Variants in OSBPL9 observed in about 807,000 individuals in gnomAD.
The protein encoded by OSBPL9 is oxysterol binding protein like 9.
OSBPL9 carries 40 observed loss-of-function variants against 106.6 expected under a neutral mutation model. That is an observed-to-expected ratio of 0.38 (90% CI 0.29 to 0.49). The LOEUF is 0.49. OSBPL9 is among the 20% of genes least tolerant of loss of function. The pLI is 0.97. For synonymous variants in OSBPL9, 269 were observed against 295.4 expected (o/e 0.91, Z 0.92); for missense variants, 609 against 887.2 (o/e 0.69, Z 3.98).
intron 21 of OSBPL9, 95 bp downstream of exon 21, chr1:51,785,981 C>A: frequency 9.6e-7 from 1 of 1,042,518 alleles, no homozygotes; most frequent in Non-Finnish European, 1.5e-6. Flanking sequence ...CTTCATAATG[C>A]ATTTCCTTCT....
At chr1:51,590,291 C>G (rs928503121) in intron 1 of OSBPL9, among the ~76,000 whole-genome samples, 1 of 151,710 alleles carries the variant, frequency 6.6e-6, no homozygotes, top group African/African-American at 2.4e-5. Context: ...ATGATAGTGG[C>G]TTGGGCTAGG....
intron 1 of OSBPL9, among the ~76,000 whole-genome samples, chr1:51,627,369 G>T (rs759222582): frequency 6.6e-5 from 10 of 151,998 alleles, no homozygotes; most frequent in African/African-American, 9.7e-5. Flanking sequence ...ATATCCAGTT[G>T]TCCGAGCATC....
chr1:51,663,619 G>A (rs925320046), intron 2 of OSBPL9, among the ~76,000 whole-genome samples: 11 of 152,144 alleles, frequency 7.2e-5, no homozygotes, highest in Admixed American at 5.2e-4. Context: ...GACATAGAAA[G>A]CAGAACTATA....
intron 4 of OSBPL9, among the ~76,000 whole-genome samples, chr1:51,739,891 C>T (rs1237259483): frequency 2.6e-5 from 4 of 151,800 alleles, no homozygotes; most frequent in African/African-American, 4.8e-5. Flanking sequence ...TTTTTTTCAT[C>T]GTCAAACCAC....
At chr1:51,624,581 T>C (rs1644654384) in intron 1 of OSBPL9, among the ~76,000 whole-genome samples, 1 of 151,666 alleles carries the variant, frequency 6.6e-6, no homozygotes, top group African/African-American at 2.4e-5. Context: ...TGAGACTCTG[T>C]CTCAAAAAAT....
rs887229947 is a variant in OSBPL9 at position 51,729,978 on chromosome 1, G to A, written c.319-15558G>A. The A allele has an allele frequency of 2.1e-5, 28 of 1,317,250 alleles. No homozygotes were observed. Among genetic ancestry groups the A allele is most frequent in the Non-Finnish European group, 1.9e-5 (19 of 1,025,196 alleles). 81.6% of individuals were successfully genotyped at this position (1,317,250 alleles called of 1,614,324 possible). A position where few individuals can be genotyped will look rare whatever the true frequency, so the allele number is the denominator to read the frequency against. On this transcript the variant is annotated intron_variant, in intron 4 of 23. Coordinates refer to ENST00000428468, the MANE Select transcript of OSBPL9 (RefSeq NM_024586.6). The surrounding 1 kb of genome is among the most constrained non-coding windows in gnomAD (Gnocchi z 5.1). Reference sequence around the variant, plus strand: ...CAGAGGGCGGGGGCCTTGGCGAATGGCTTTCTTGCTGGCCACTTGCGGAGT... The same window carrying A: ...CAGAGGGCGGGGGCCTTGGCGAATGACTTTCTTGCTGGCCACTTGCGGAGT...
chr1:51,604,082 TG>T (rs892351931), intron 2 of OSBPL9, among the ~76,000 whole-genome samples: 5 of 152,180 alleles, frequency 3.3e-5, no homozygotes, highest in Admixed American at 6.5e-5. Context: ...GCATGTTCCC[TG>T]GTCAGAAAGA....
chr1:51,522,036 C>T, the OSBPL9 span, among the ~76,000 whole-genome samples: 1 of 152,074 alleles, frequency 6.6e-6, no homozygotes, highest in Non-Finnish European at 1.5e-5. Flanking sequence ...GGATTACAGG[C>T]GTGAGCCACC....
intron 3 of OSBPL9, among the ~76,000 whole-genome samples, chr1:51,686,213 TCTC>T (rs1203943188): frequency 6.6e-6 from 1 of 152,158 alleles, no homozygotes; most frequent in Non-Finnish European, 1.5e-5. Flanking sequence ...GGAGTATAAT[TCTC>T]CTAGGTACCT....
chr1:51,682,872 T>A (rs1305145984), intron 3 of OSBPL9, among the ~76,000 whole-genome samples: 1 of 148,726 alleles, frequency 6.7e-6, no homozygotes, highest in Non-Finnish European at 1.5e-5. Flanking sequence ...TTGAGACCAG[T>A]TTTTTGTTTG....
At chr1:51,744,776 C>A (rs941163038) in intron 4 of OSBPL9, among the ~76,000 whole-genome samples, 1 of 152,160 alleles carries the variant, frequency 6.6e-6, no homozygotes, top group Non-Finnish European at 1.5e-5. Context: ...TCAAAAGTTT[C>A]TTTTGGCTAA....
intron 1 of OSBPL9, among the ~76,000 whole-genome samples, chr1:51,645,228 A>G (rs1646074805): frequency 6.6e-6 from 1 of 152,222 alleles, no homozygotes; most frequent in South Asian, 2.1e-4. Flanking sequence ...GCACTAAGAC[A>G]ATCACCTTCC....
chr1:51,650,376 A>C (rs1421017076), intron 1 of OSBPL9, among the ~76,000 whole-genome samples: 1 of 152,150 alleles, frequency 6.6e-6, no homozygotes, highest in Non-Finnish European at 1.5e-5. Context: ...AAATCTAATT[A>C]TTATTTTTGT....
Position 51,746,733 on chromosome 1 carries a change from C to T in OSBPL9, c.438C>T (p.Asn146=). The change falls in exon 6 of 24, where the codon AAC becomes AAT. Residue 146 remains asparagine (N), a synonymous_variant. Coordinates refer to ENST00000428468, the MANE Select transcript of OSBPL9 (RefSeq NM_024586.6). ...AGCTTTTTGATGACAAGCTTCAAAA[C>T]TGCAAAGAAGATGAACAGAGAAAGG... ...QLKLFDDKLQ[N]CKEDEQRKKI... The T allele has an allele frequency of 1.9e-6, 3 of 1,608,798 alleles. No homozygotes were observed. The highest frequency in any genetic ancestry group is 2.5e-6 in the Non-Finnish European group (3 of 1,178,078).
intron 2 of OSBPL9, among the ~76,000 whole-genome samples, chr1:51,666,674 A>T (rs1381474592): frequency 1.3e-5 from 2 of 152,198 alleles, no homozygotes; most frequent in Admixed American, 1.3e-4. Context: ...TGAGTGAGGT[A>T]TGTGGAAGAA....
intron 1 of OSBPL9, among the ~76,000 whole-genome samples, chr1:51,643,841 G>A (rs1645967318): frequency 6.6e-6 from 1 of 151,954 alleles, no homozygotes; most frequent in Non-Finnish European, 1.5e-5. Flanking sequence ...AGCACTTTGG[G>A]AGGCTGAGGT....
intron 1 of OSBPL9, among the ~76,000 whole-genome samples, 183 bp from the exon 2 acceptor site, chr1:51,651,808 G>C (rs1194066541): frequency 6.6e-6 from 1 of 152,152 alleles, no homozygotes; most frequent in Non-Finnish European, 1.5e-5. Flanking sequence ...TATATAGACT[G>C]TATGACATTT....
At chr1:51,576,515 GT>G (rs539100000), upstream of OSBPL9, among the ~76,000 whole-genome samples, 4 of 152,078 alleles carry the variant, frequency 2.6e-5, no homozygotes, top group Non-Finnish European at 5.9e-5. Flanking sequence ...TGTTTTTAGG[GT>G]TTTTTTGGGT....
chr1:51,729,672 C>T lies in OSBPL9; in HGVS notation c.318+15593C>T, dbSNP rs1446602144. ...CTCGGCCTCTCCACCCAAAACTGGC[C>T]CAACCGCCAATCGTCTGCCTCTCAC... is the stretch of plus-strand genomic sequence containing the variant. On this transcript the variant is annotated intron_variant, in intron 4 of 23. Coordinates refer to ENST00000428468, the MANE Select transcript of OSBPL9 (RefSeq NM_024586.6). The surrounding 1 kb of genome is among the most constrained non-coding windows in gnomAD (Gnocchi z 5.1). The T allele has an allele frequency of 2.2e-6, 1 of 449,498 alleles. No individual in the cohort carries two copies. The highest frequency in any genetic ancestry group is 2.0e-5 in the African/African-American group (1 of 49,226). The allele number at this position is 449,498 out of a possible 1,614,324, so 27.8% of individuals were successfully genotyped here.
Sources: allele counts gnomAD v4.1 joint callset (sites outside exome capture counted in the v4.1 genomes callset), GRCh38; gene constraint gnomAD v4.1.1; non-coding constraint Gnocchi (gnomAD v3.1); transcripts MANE v1.5; gene names NCBI Gene and HGNC (gene_info 2026-07-23, HGNC 2026-07-21).